TREML1: variants seen among roughly 807,000 people sequenced by gnomAD.
TREML1 encodes the protein trem-like transcript 1 protein.
Under a neutral mutation model 22.8 loss-of-function variants are expected in TREML1, and 27 were observed. The ratio of observed to expected loss-of-function variants is 1.19; its 90% CI spans 0.87 to 1.64. The LOEUF (loss-of-function observed/expected upper bound fraction) is 1.64, where lower values mean the gene tolerates loss of function less well. TREML1 is among the 40% of genes most tolerant of loss of function. TREML1 has a pLI of 0.00. For missense variants in TREML1, 356 were observed against 382.0 expected (o/e 0.93, Z 0.57); for synonymous variants, 153 against 161.9 (o/e 0.94, Z 0.42).
Position 41,150,295 on chromosome 6 carries a change from C to G in TREML1, c.587G>C (p.Cys196Ser). ...AACTCTGCTGCTCAGGAATCGGCCA[C>G]AGACACCAAGCCTGTTCCCTGGCAG... ...KRKQGNRLGV[C>S]GRFLSSRVSG... The change falls in exon 5 of 6, where the codon TGT (cysteine) becomes TCT (serine). Residue 196 changes from cysteine to serine, a missense_variant. By Grantham distance (112) the Cys-to-Ser change is moderately radical. Coordinates refer to ENST00000426005, the MANE Select transcript of TREML1 (RefSeq NM_178174.4). The G allele has an allele frequency of 5.0e-6, 8 of 1,614,028 alleles. No homozygotes were observed. The highest frequency in any genetic ancestry group is 6.8e-6 in the Non-Finnish European group (8 of 1,179,978).
Position 41,153,803 on chromosome 6 carries a change from C to T in TREML1, c.331G>A (p.Gly111Arg). The change falls in exon 2 of 6, where the codon GGG becomes AGG. Residue 111 changes from glycine to arginine, a missense_variant. Coordinates refer to ENST00000426005, the MANE Select transcript of TREML1 (RefSeq NM_178174.4). ...GAGACTCTGTGCAAAATCTGGGGCC[C>T]CCTGGCCCCATCCACCATGCAGCCA... ...EYGCMVDGAR[G>R]PQILHRVSLN... 3 of 1,613,858 alleles carry T rather than the reference C, an allele frequency of 1.9e-6. No homozygotes were observed. Among genetic ancestry groups the T allele is most frequent in the Non-Finnish European group, 2.5e-6 (3 of 1,179,878 alleles).
At chr6:41,152,756 C>T (rs1472616105) in intron 2 of TREML1, among the ~76,000 whole-genome samples, 1 of 151,962 alleles carries the variant, frequency 6.6e-6, no homozygotes, top group African/African-American at 2.4e-5. Flanking sequence ...ACCTGTAGTC[C>T]CAGTTACTTG....
At position 41,151,173 on chromosome 6, in the gene TREML1, G is replaced by C. The variant is rs188841954; in HGVS notation, c.479+109C>G. ...CTGTCTGTCCAGAAGTTCCCCAGAG[G>C]TGGGAAGAATCATAGGTTTTCCCCT... On this transcript the variant is annotated intron_variant, in intron 3 of 5. Transcript: ENST00000426005. 2.7e-4 allele frequency: 267 copies of C among 999,102 alleles called. 1 individual carries two copies. The African/African-American group carries it at 3.0e-3, about 11-fold the overall frequency. 61.9% of individuals were successfully genotyped at this position (999,102 alleles called of 1,614,324 possible).
At chr6:41,150,064 C>T in intron 5 of TREML1, 146 bp from the exon 6 acceptor site, 1 of 1,027,182 alleles carries the variant, frequency 9.7e-7, no homozygotes, top group Non-Finnish European at 1.4e-6. Context: ...TTTTCAAGCC[C>T]CAAGTTTCTC....
rs778622155 is a variant in TREML1 at position 41,153,879 on chromosome 6, G to A, written c.255C>T (p.Gly85=). The A allele has an allele frequency of 1.2e-6, 2 of 1,614,164 alleles. No individual in the cohort carries two copies. Among genetic ancestry groups the A allele is most frequent in the South Asian group, 1.1e-5 (1 of 91,080 alleles). ...RRTFLTDLGG[G]LLQVEMVTLQ... is the part of the protein sequence containing the mutation. The stretch of plus-strand genomic sequence containing the variant: ...GGGTAACCATTTCCACCTGCAGCAG[G>A]CCCCCACCCAGGTCTGTGAGAAACG... Residue 85 remains glycine (G), a synonymous_variant, in exon 2 of 6, where the codon GGC becomes GGT. Coordinates refer to ENST00000426005, the MANE Select transcript of TREML1 (RefSeq NM_178174.4).
chr6:41,149,306 C>A, downstream of TREML1: 1 of 303,048 alleles, frequency 3.3e-6, no homozygotes, highest in Non-Finnish European at 6.1e-6. Context: ...ATTAGTCAAA[C>A]TTGGGCAGTT....
At chr6:41,152,635 G>A (rs1765292985) in intron 2 of TREML1, among the ~76,000 whole-genome samples, 1 of 152,086 alleles carries the variant, frequency 6.6e-6, no homozygotes, top group Non-Finnish European at 1.5e-5. Context: ...CACTTTGGGA[G>A]GCCAAGGCGG....
Position 41,151,366 on chromosome 6 carries a change from T to G in TREML1, c.395A>C (p.His132Pro), listed in dbSNP as rs774325278. The G allele has an allele frequency of 1.2e-6, 2 of 1,614,058 alleles. No homozygotes were observed. Among genetic ancestry groups the G allele is most frequent in the African/African-American group, 2.7e-5 (2 of 74,930 alleles). ...ILPPEEEEET[H>P]KIGSLAENAF... ...GTTCTCAGCCAGACTGCCAATCTTATGGGTCTCTTCTTCTTCCTCTGTCAG... is the reference window on the plus strand; with the variant it reads ...GTTCTCAGCCAGACTGCCAATCTTAGGGGTCTCTTCTTCTTCCTCTGTCAG... Residue 132 changes from histidine to proline, a missense_variant, in exon 3 of 6, where the codon CAT becomes CCT. Physicochemically the swap from His to Pro is moderately conservative, Grantham distance 77. Transcript: ENST00000426005.
rs1429948731 is a variant in TREML1, at chr6:41,151,368, G to T, written c.393C>A (p.Thr131=). 6.2e-7 allele frequency: 1 copy of T among 1,614,092 alleles called. No individual in the cohort carries two copies. Residue 131 remains threonine, a synonymous_variant, in exon 3 of 6, where the codon ACC becomes ACA. Transcript: ENST00000426005. ...NILPPEEEEE[T]HKIGSLAENA... ...TCTCAGCCAGACTGCCAATCTTATGGGTCTCTTCTTCTTCCTCTGTCAGGC... is the reference window on the plus strand; with the variant it reads ...TCTCAGCCAGACTGCCAATCTTATGTGTCTCTTCTTCTTCCTCTGTCAGGC...
At chr6:41,153,348 C>G (rs539405171) in intron 2 of TREML1, among the ~76,000 whole-genome samples, 1 of 150,062 alleles carries the variant, frequency 6.7e-6, no homozygotes, top group South Asian at 2.2e-4. Flanking sequence ...AATTCTTAAG[C>G]CATCAAGCCC....
chr6:41,151,397 G>T lies in TREML1; in HGVS notation c.377-13C>A. The T allele has an allele frequency of 2.5e-6, 4 of 1,611,198 alleles. No individual in the cohort carries two copies. The highest frequency in any genetic ancestry group is 3.4e-6 in the Non-Finnish European group (4 of 1,177,324). ...TCTTCTTCTTCCTCTGTCAGGCCAGGAATGGAGTCAGAAGGAAACATTTAA... is the reference window on the plus strand; with the variant it reads ...TCTTCTTCTTCCTCTGTCAGGCCAGTAATGGAGTCAGAAGGAAACATTTAA... On this transcript the variant is annotated splice_polypyrimidine_tract_variant and intron_variant, in intron 2 of 5. Transcript: ENST00000426005.
At chr6:41,152,487 A>G (rs1384353492) in intron 2 of TREML1, among the ~76,000 whole-genome samples, 1 of 152,136 alleles carries the variant, frequency 6.6e-6, no homozygotes, top group Non-Finnish European at 1.5e-5. Context: ...AGGATTAACA[A>G]TATATTTATA....
upstream of TREML1, among the ~76,000 whole-genome samples, chr6:41,155,375 TTCTC>T (rs3049085): frequency 0.019 from 2,621 of 136,786 alleles, 23 homozygotes; most frequent in Middle Eastern, 0.038. Flanking sequence ...GAGTAAACGT[TTCTC>T]TCTCTCTCTC....
chr6:41,155,359 A>G (rs1765392129), upstream of TREML1, among the ~76,000 whole-genome samples: 1 of 114,586 alleles, frequency 8.7e-6, no homozygotes, highest in African/African-American at 4.0e-5. Flanking sequence ...GGAGATTTAC[A>G]TTCCAGAGTA....
intron 5 of TREML1, among the ~76,000 whole-genome samples, 167 bp downstream of exon 5, chr6:41,150,094 G>A (rs907117824): frequency 2.6e-5 from 4 of 152,148 alleles, no homozygotes; most frequent in Non-Finnish European, 1.5e-5. Flanking sequence ...GGGAGGGTGG[G>A]ATGCCAAGGG....
intron 2 of TREML1, among the ~76,000 whole-genome samples, chr6:41,152,393 C>G (rs1765282249): frequency 6.6e-6 from 1 of 152,164 alleles, no homozygotes; most frequent in Non-Finnish European, 1.5e-5. Context: ...GGAGTCTCAT[C>G]TTGTCACAAT....
In TREML1 at chr6:41,149,844, A is replaced by G. The variant is rs757531067; in HGVS notation, c.696T>C (p.Ile232=). The change falls in exon 6 of 6, where the codon ATT becomes ATC. Residue 232 remains isoleucine, a synonymous_variant. Transcript: ENST00000426005. ...AAELPLDVPH[I]RLDSPPSFDN... Reference sequence around the variant, plus strand: ...CAAATGAAGGTGGTGAGTCAAGCCTAATGTGTGGTACATCCAAAGGCAATT... The same window carrying G: ...CAAATGAAGGTGGTGAGTCAAGCCTGATGTGTGGTACATCCAAAGGCAATT... The G allele has an allele frequency of 1.9e-6, 3 of 1,614,142 alleles. No individual in the cohort carries two copies. The highest frequency in any genetic ancestry group is 2.5e-6 in the Non-Finnish European group (3 of 1,180,018).
At chr6:41,151,101 G>T (rs1455742775) in intron 3 of TREML1, among the ~76,000 whole-genome samples, 181 bp downstream of exon 3, 1 of 152,228 alleles carries the variant, frequency 6.6e-6, no homozygotes, top group Non-Finnish European at 1.5e-5. Context: ...TCACCAGCAT[G>T]AAGGCACCAT....
chr6:41,149,992 A>G, intron 5 of TREML1, 74 bp from the exon 6 acceptor site: 1 of 1,401,842 alleles, frequency 7.1e-7, no homozygotes, highest in Non-Finnish European at 9.9e-7. Context: ...GCCCAGGACC[A>G]CACTAGATCT....
Sources: gnomAD v4.1 joint callset for allele counts (sites outside exome capture counted in the v4.1 genomes callset) on GRCh38, gnomAD v4.1.1 for gene constraint, MANE v1.5 for transcripts, NCBI Gene and HGNC (gene_info 2026-07-23, HGNC 2026-07-21) for gene names.